The following TFDP2 variants were observed in gnomAD, a reference collection of about 807,000 sequenced individuals.
TFDP2 encodes transcription factor Dp-2 (E2F dimerization partner 2).
TFDP2 carries 17 observed loss-of-function variants against 59.3 expected under a neutral mutation model. The observed-to-expected ratio is 0.29, with a 90% CI of 0.20 to 0.43. The LOEUF (loss-of-function observed/expected upper bound fraction) is 0.43. Among genes scored for constraint, TFDP2 ranks in the 20% least tolerant of loss-of-function variants. TFDP2 has a pLI of 1.00. For synonymous variants in TFDP2, 180 were observed against 194.7 expected, an observed-to-expected ratio of 0.92 and a Z score of 0.63; for missense variants, 391 against 528.8, an observed-to-expected ratio of 0.74 and a Z score of 2.56.
intron 3 of TFDP2, among the ~76,000 whole-genome samples, chr3:142,053,736 G>A (rs981983508): frequency 6.6e-6 from 1 of 152,132 alleles, no homozygotes; most frequent in Admixed American, 6.5e-5. Context: ...GACAGCCTGG[G>A]AGAAAATGTT....
At chr3:141,954,863 T>C (rs1936394636) in intron 11 of TFDP2, among the ~76,000 whole-genome samples, 1 of 152,126 alleles carries the variant, frequency 6.6e-6, no homozygotes, top group South Asian at 2.1e-4. Flanking sequence ...TGATTTAGAT[T>C]GGAAACTCTG....
At chr3:141,993,900 C>T (rs574509868) in intron 5 of TFDP2, among the ~76,000 whole-genome samples, 2 of 152,344 alleles carry the variant, frequency 1.3e-5, no homozygotes, top group South Asian at 4.1e-4. Context: ...GACAATCCTG[C>T]CACCTCCAAT....
intron 9 of TFDP2, among the ~76,000 whole-genome samples, chr3:141,969,223 T>G (rs1157419643): frequency 1.9e-5 from 2 of 106,248 alleles, no homozygotes; most frequent in South Asian, 5.0e-4. Context: ...ATATATCTCA[T>G]ATATATGAGA....
chr3:141,959,558 T>A, intron 11 of TFDP2, 116 bp downstream of exon 11: 1 of 1,119,694 alleles, frequency 8.9e-7, no homozygotes, highest in Admixed American at 2.3e-5. Flanking sequence ...AGGTTTCAGT[T>A]TGTCGACACA....
chr3:142,018,207 G>A (rs923871562), intron 3 of TFDP2, among the ~76,000 whole-genome samples: 4 of 152,118 alleles, frequency 2.6e-5, no homozygotes, highest in African/African-American at 7.2e-5. Flanking sequence ...GCCTCCCAAA[G>A]TGCTAGGATT....
rs377091981 is a variant in TFDP2 at position 142,087,721 on chromosome 3, TG to T, written c.82+5339del. Among the ~76,000 whole-genome samples, 162 of 152,196 alleles carry T rather than the reference TG, an allele frequency of 1.1e-3. 1 individual carries two copies. Among genetic ancestry groups the T allele is most frequent in the African/African-American group, 3.5e-3 (146 of 41,538 alleles). ...TTTGCCATGTTGCCCAGGCTGGTCT[TG>T]AACTGCTGAGCTCAAGCAATCCACC... On this transcript the variant is annotated intron_variant, in intron 3 of 12. Coordinates refer to ENST00000489671, the MANE Select transcript of TFDP2 (RefSeq NM_001178139.2).
At chr3:142,056,474 G>C (rs565494750) in intron 3 of TFDP2, among the ~76,000 whole-genome samples, 1 of 152,038 alleles carries the variant, frequency 6.6e-6, no homozygotes, top group African/African-American at 2.4e-5. Flanking sequence ...ACCCAGAAAG[G>C]CTGTCAGATA....
intron 11 of TFDP2, among the ~76,000 whole-genome samples, chr3:141,954,899 C>T (rs188326631): frequency 5.9e-5 from 9 of 152,132 alleles, no homozygotes; most frequent in Admixed American, 2.0e-4. Context: ...GCCATTCCCA[C>T]GTAGGAAAAA....
intron 8 of TFDP2, among the ~76,000 whole-genome samples, chr3:141,971,429 A>C (rs1485193069): frequency 6.6e-6 from 1 of 151,296 alleles, no homozygotes; most frequent in Non-Finnish European, 1.5e-5. Flanking sequence ...GGCGCCTGTA[A>C]TCCCAGCTAC....
Position 141,946,243 on chromosome 3 carries a change from T to C in TFDP2, c.*6270A>G, listed in dbSNP as rs1481359953. The C allele has an allele frequency of 6.6e-6, 1 of 152,240 alleles. No homozygotes were observed. Among genetic ancestry groups the C allele is most frequent in the Non-Finnish European group, 1.5e-5 (1 of 68,052 alleles). The allele number at this position is 152,240 out of a possible 1,614,324, so 9.4% of individuals were successfully genotyped here. On this transcript the variant is annotated 3_prime_UTR_variant, in exon 13 of 13. Coordinates refer to ENST00000489671, the MANE Select transcript of TFDP2 (RefSeq NM_001178139.2). ...CTAAATGAGCAGGGTGGGAGCGATGTTATCCCCGATCCTGAGACCTGCGGC... is the reference window on the plus strand; with the variant it reads ...CTAAATGAGCAGGGTGGGAGCGATGCTATCCCCGATCCTGAGACCTGCGGC...
chr3:141,996,734 A>T (rs1202687004), intron 4 of TFDP2, among the ~76,000 whole-genome samples: 1 of 152,234 alleles, frequency 6.6e-6, no homozygotes, highest in African/African-American at 2.4e-5. Flanking sequence ...TCTAGTCAAC[A>T]TTTATTCATT....
chr3:142,129,789 C>G (rs2062425912), intron 1 of TFDP2, among the ~76,000 whole-genome samples: 1 of 151,852 alleles, frequency 6.6e-6, no homozygotes, highest in African/African-American at 2.4e-5. Context: ...AAAATTAAAA[C>G]TAGGCAAAGG....
Position 141,952,306 on chromosome 3 carries a change from CT to C in TFDP2, c.*206del, listed in dbSNP as rs1936014291. On this transcript the variant is annotated 3_prime_UTR_variant, in exon 13 of 13. Transcript: ENST00000489671. ...TTTCTTTGTTATATCATCTACTGCTCTGTTGGCCAGACTTTCATTCACACTA... is the reference window on the plus strand; with the variant it reads ...TTTCTTTGTTATATCATCTACTGCTCGTTGGCCAGACTTTCATTCACACTA... The C allele has an allele frequency of 8.5e-6, 4 of 470,118 alleles. No homozygotes were observed. The Admixed American group carries it at 1.7e-4, about 21-fold the overall frequency. The allele number at this position is 470,118 out of a possible 1,614,324, so 29.1% of individuals were successfully genotyped here.
In TFDP2 at chr3:141,959,790, A is replaced by G. The variant is rs1937134021; in HGVS notation, c.935T>C (p.Ile312Thr). 3 of 1,614,176 alleles carry G rather than the reference A, an allele frequency of 1.9e-6. No homozygotes were observed. The highest frequency in any genetic ancestry group is 1.7e-6 in the Non-Finnish European group (2 of 1,180,034). ...FDNTFEIHDD[I>T]EVLKRMGMSF... ...CATTCCCATCCGCTTTAGTACTTCT[A>G]TGTCATCATGGATCTCAAAGGTGTT... The change falls in exon 11 of 13, where the codon ATA becomes ACA. Residue 312 changes from isoleucine (I) to threonine (T), a missense_variant. Ile to Thr is a moderately conservative substitution (Grantham distance 89, BLOSUM62 -1). This residue lies in a region of TFDP2 where 223 missense variants were observed against 292.5 expected (regional missense o/e 0.76). Coordinates refer to ENST00000489671, the MANE Select transcript of TFDP2 (RefSeq NM_001178139.2).
intron 3 of TFDP2, among the ~76,000 whole-genome samples, chr3:142,042,492 G>A (rs571588778): frequency 1.2e-4 from 18 of 151,758 alleles, no homozygotes; most frequent in Non-Finnish European, 2.5e-4. Context: ...TAGAGACGGG[G>A]TTTCACCATG....
intron 1 of TFDP2, among the ~76,000 whole-genome samples, chr3:142,111,921 C>T (rs2061679349): frequency 6.6e-6 from 1 of 152,096 alleles, no homozygotes; most frequent in East Asian, 1.9e-4. Flanking sequence ...CAAAAATTAG[C>T]TGGATGTGGT....
chr3:142,098,289 A>C (rs1432476165), intron 2 of TFDP2, among the ~76,000 whole-genome samples: 1 of 151,576 alleles, frequency 6.6e-6, no homozygotes, highest in African/African-American at 2.4e-5. Flanking sequence ...AAACCCTCAA[A>C]AATTATATTT....
Position 141,978,631 on chromosome 3 carries a change from T to C in TFDP2, c.408A>G (p.Ser136=). The C allele has an allele frequency of 1.2e-6, 2 of 1,613,306 alleles. No homozygotes were observed. Among genetic ancestry groups the C allele is most frequent in the Non-Finnish European group, 1.7e-6 (2 of 1,179,802 alleles). The change falls in exon 7 of 13, where the codon TCA becomes TCG. Residue 136 remains serine, a synonymous_variant. Transcript: ENST00000489671. The part of the protein sequence containing the change: ...DKNGKGLRHF[S]MKVCEKVQRK... ...GTTGAACTTTCTCACACACTTTCATTGAAAAGTGTCTCAAGCCTTTCCCAT... is the reference window on the plus strand; with the variant it reads ...GTTGAACTTTCTCACACACTTTCATCGAAAAGTGTCTCAAGCCTTTCCCAT...
At chr3:141,954,511 C>T (rs1322726514) in intron 11 of TFDP2, among the ~76,000 whole-genome samples, 1 of 151,912 alleles carries the variant, frequency 6.6e-6, no homozygotes, top group African/African-American at 2.4e-5. Context: ...GTGATACATG[C>T]CTGTAATCCC....
Sources: gnomAD v4.1 joint callset for allele counts (sites outside exome capture counted in the v4.1 genomes callset) on GRCh38, gnomAD v4.1.1 for gene constraint, gnomAD v4.1.1 regional missense constraint, MANE v1.5 for transcripts, NCBI Gene and HGNC (gene_info 2026-07-23, HGNC 2026-07-21) for gene names.